GNAI3: variants seen among roughly 807,000 people sequenced by gnomAD.
GNAI3 encodes guanine nucleotide-binding protein G(i) subunit alpha-3.
Under a neutral mutation model 41.8 loss-of-function variants are expected in GNAI3, and 12 were observed. That is an observed-to-expected ratio of 0.29 (90% CI 0.18 to 0.47). GNAI3 has a LOEUF of 0.47. Among genes scored for constraint, GNAI3 ranks in the 20% least tolerant of loss-of-function variants. The pLI, the probability that GNAI3 is intolerant of heterozygous loss-of-function variation, is 1.00. For missense variants in GNAI3, 360 were observed against 429.6 expected (o/e 0.84, Z 1.43); for synonymous variants, 132 against 146.5 (o/e 0.90, Z 0.71).
chr1:109,592,206 CAACTT>C lies in GNAI3; in HGVS notation c.1041_1045del (p.Asn347LysfsTer22), dbSNP rs767358712. 6 of 1,611,924 alleles carry C rather than the reference CAACTT, an allele frequency of 3.7e-6. No homozygotes were observed. The highest frequency in any genetic ancestry group is 1.1e-5 in the South Asian group (1 of 91,016). On this transcript the variant is annotated frameshift_variant, in exon 8 of 9. Transcript: ENST00000369851. LOFTEE classifies it high-confidence loss of function. ...CTGTTACAGATGTCATCATTAAAAA[CAACTT>C]AAAGGAATGTGGACTTTATTGAGAA...
At chr1:109,574,511 C>T (rs1470630477) in intron 3 of GNAI3, among the ~76,000 whole-genome samples, 3 of 152,070 alleles carry the variant, frequency 2.0e-5, no homozygotes, top group South Asian at 2.1e-4. Flanking sequence ...ATACTGTATA[C>T]TACATGGAAC....
rs189717578 is a variant in GNAI3 at position 109,599,884 on chromosome 1, C to G, written c.*7562C>G. On this transcript the variant is annotated 3_prime_UTR_variant, in exon 9 of 9. Coordinates refer to ENST00000369851, the MANE Select transcript of GNAI3 (RefSeq NM_006496.4). ...CTTTGATTTTATAGTGTATGGTGCT[C>G]TGTTGGTAGCTGGACATCATCACAG... is the stretch of plus-strand genomic sequence containing the variant. The G allele has an allele frequency of 6.6e-6, 1 of 152,248 alleles. No homozygotes were observed. The highest frequency in any genetic ancestry group is 1.9e-4 in the East Asian group (1 of 5,186). The allele number at this position is 152,248 out of a possible 1,614,324, so 9.4% of individuals were successfully genotyped here.
At chr1:109,592,000 A>C (rs765130773) in intron 7 of GNAI3, 43 bp from the exon 8 acceptor site, 2 of 1,306,032 alleles carry the variant, frequency 1.5e-6, no homozygotes, top group Non-Finnish European at 2.2e-6. Context: ...GAGTTCAGGC[A>C]GCTGTTACAA....
intron 1 of GNAI3, among the ~76,000 whole-genome samples, chr1:109,559,497 A>G (rs1171862256): frequency 1.3e-5 from 2 of 152,342 alleles, no homozygotes; most frequent in East Asian, 3.9e-4. Flanking sequence ...TAATATTATT[A>G]GCCAGATGGA....
chr1:109,589,579 G>A (rs1649118816), intron 7 of GNAI3, among the ~76,000 whole-genome samples: 1 of 152,084 alleles, frequency 6.6e-6, no homozygotes, highest in Non-Finnish European at 1.5e-5. Flanking sequence ...TTGCAAGCAG[G>A]TGGGAAAAAA....
chr1:109,563,182 GA>G, intron 1 of GNAI3, among the ~76,000 whole-genome samples: 1 of 152,298 alleles, frequency 6.6e-6, no homozygotes, highest in South Asian at 2.1e-4. Context: ...AGGAGTTCGA[GA>G]CTAGCCTGGG....
intron 1 of GNAI3, among the ~76,000 whole-genome samples, chr1:109,550,420 A>G (rs917855714): frequency 2.0e-5 from 3 of 152,224 alleles, no homozygotes; most frequent in African/African-American, 7.2e-5. Context: ...GGTCCCTGGT[A>G]CCTAGTAGGT....
At chr1:109,567,242 C>G (rs1202828416) in intron 1 of GNAI3, among the ~76,000 whole-genome samples, 1 of 152,056 alleles carries the variant, frequency 6.6e-6, no homozygotes, top group Non-Finnish European at 1.5e-5. Context: ...CTGTCCAGAC[C>G]TCTGGAAGAG....
intron 3 of GNAI3, among the ~76,000 whole-genome samples, chr1:109,575,534 CTTTT>C (rs747890363): frequency 3.8e-5 from 2 of 52,854 alleles, no homozygotes; most frequent in Middle Eastern, 0.019. Context: ...CCTTTCATTT[CTTTT>C]TTTTTTTTTT....
intron 3 of GNAI3, among the ~76,000 whole-genome samples, chr1:109,578,501 T>G (rs944225827): frequency 1.7e-4 from 24 of 139,172 alleles, no homozygotes; most frequent in Non-Finnish European, 2.7e-4. Flanking sequence ...AGAAAAGAAA[T>G]AAAGAAAACC....
intron 1 of GNAI3, among the ~76,000 whole-genome samples, chr1:109,564,585 A>G (rs1200304945): frequency 6.6e-6 from 1 of 152,002 alleles, no homozygotes; most frequent in Admixed American, 6.6e-5. Context: ...TTCCACATGT[A>G]TCTCCTAGTG....
rs1362657893 is a variant in GNAI3 at position 109,598,127 on chromosome 1, T to A, written c.*5805T>A. The A allele has an allele frequency of 6.6e-6, 1 of 152,264 alleles. No homozygotes were observed. The highest frequency in any genetic ancestry group is 1.5e-5 in the Non-Finnish European group (1 of 68,054). The allele number at this position is 152,264 out of a possible 1,614,324, so 9.4% of individuals were successfully genotyped here. On this transcript the variant is annotated 3_prime_UTR_variant, in exon 9 of 9. Transcript: ENST00000369851. Reference sequence around the variant, plus strand: ...CCTGGTTTATCTGTCTCCTCTTATCTTTTACCTCTCCCTACGCCCAAAATT... The same window carrying A: ...CCTGGTTTATCTGTCTCCTCTTATCATTTACCTCTCCCTACGCCCAAAATT...
rs1444789635 is a variant in GNAI3 at position 109,548,674 on chromosome 1, C to A, written c.-47C>A. 3 of 1,355,790 alleles carry A rather than the reference C, an allele frequency of 2.2e-6. No homozygotes were observed. The highest frequency in any genetic ancestry group is 2.1e-6 in the Non-Finnish European group (2 of 949,360). The allele number at this position is 1,355,790 out of a possible 1,614,324, so 84.0% of individuals were successfully genotyped here. Reference sequence around the variant, plus strand: ...CCTCAGCCTGCCGAGCCGCAGTTTCCGTGGTGTGAGTGAGTCCGGGCCCGT... The same window carrying A: ...CCTCAGCCTGCCGAGCCGCAGTTTCAGTGGTGTGAGTGAGTCCGGGCCCGT... On this transcript the variant is annotated 5_prime_UTR_variant, in exon 1 of 9. Coordinates refer to ENST00000369851, the MANE Select transcript of GNAI3 (RefSeq NM_006496.4).
Position 109,579,242 on chromosome 1 carries a change from TGAA to T in GNAI3, c.347_349del (p.Glu116del). The T allele has an allele frequency of 6.2e-7, 1 of 1,613,472 alleles. No homozygotes were observed. The highest frequency in any genetic ancestry group is 2.2e-5 in the East Asian group (1 of 44,876). ...AATTATTTGTTTTAGCTGGCAGTGC[TGAA>T]GAAGGAGTCATGACTCCAGAACTAG... On this transcript the variant is annotated inframe_deletion, in exon 4 of 9. Transcript: ENST00000369851.
intron 1 of GNAI3, among the ~76,000 whole-genome samples, chr1:109,558,537 A>G (rs1648217263): frequency 6.6e-6 from 1 of 152,204 alleles, no homozygotes; most frequent in Non-Finnish European, 1.5e-5. Context: ...GAATTTAATT[A>G]CCTTTGATTT....
rs532355838 is a variant in GNAI3, at chr1:109,579,445, TTAAG to T, written c.461+88_461+91del. ...TTTTAGTCCCCACTTAAGGAAATGT[TTAAG>T]TAATAGACACTCTTAGACGTTTATA... On this transcript the variant is annotated intron_variant, in intron 4 of 8. Coordinates refer to ENST00000369851, the MANE Select transcript of GNAI3 (RefSeq NM_006496.4). 28 of 903,566 alleles carry T rather than the reference TTAAG, an allele frequency of 3.1e-5. No individual in the cohort carries two copies. In the East Asian group the frequency reaches 6.3e-4, roughly 20 times the overall value. 56.0% of individuals were successfully genotyped at this position (903,566 alleles called of 1,614,324 possible).
At chr1:109,554,274 G>T (rs1648084443) in intron 1 of GNAI3, among the ~76,000 whole-genome samples, 1 of 152,148 alleles carries the variant, frequency 6.6e-6, no homozygotes, top group Admixed American at 6.5e-5. Context: ...TCAAATGGTA[G>T]ATATACTTTT....
intron 6 of GNAI3, 77 bp from the exon 7 acceptor site, chr1:109,586,649 CTTG>C (rs1649039436): frequency 9.7e-7 from 1 of 1,032,598 alleles, no homozygotes; most frequent in Admixed American, 2.4e-5. Context: ...TGCTGCAAAA[CTTG>C]TTGGTTTGTC....
chr1:109,599,994 T>G lies in GNAI3; in HGVS notation c.*7672T>G, dbSNP rs972598288. The stretch of plus-strand genomic sequence containing the variant: ...TCTTGATGAAGATACTCTTCCTTCC[T>G]GGGCTTCAGTTTTTGATCTATAAAT... On this transcript the variant is annotated 3_prime_UTR_variant, in exon 9 of 9. Coordinates refer to ENST00000369851, the MANE Select transcript of GNAI3 (RefSeq NM_006496.4). 6.6e-6 allele frequency: 1 copy of G among 152,168 alleles called. No individual in the cohort carries two copies. Among genetic ancestry groups the G allele is most frequent in the Non-Finnish European group, 1.5e-5 (1 of 68,016 alleles). The allele number at this position is 152,168 out of a possible 1,614,324, so 9.4% of individuals were successfully genotyped here. A position where few individuals can be genotyped will look rare whatever the true frequency, so the allele number is the denominator to read the frequency against.
Sources: gnomAD v4.1 joint callset for allele counts (sites outside exome capture counted in the v4.1 genomes callset) on GRCh38, gnomAD v4.1.1 for gene constraint, MANE v1.5 for transcripts, NCBI Gene and HGNC (gene_info 2026-07-23, HGNC 2026-07-21) for gene names.